Variants in ZMAT4 observed in about 807,000 individuals in gnomAD.
ZMAT4 encodes the protein zinc finger matrin-type protein 4.
In ZMAT4, 17 loss-of-function variants were observed where a neutral mutation model predicts 28.7. The ratio of observed to expected loss-of-function variants is 0.59; its 90% CI spans 0.41 to 0.89. The LOEUF is 0.89. Ranked by LOEUF, ZMAT4 falls within the 40% of genes least tolerant of loss-of-function variation. The pLI is 0.00. For synonymous variants in ZMAT4, 117 were observed against 109.2 expected, an observed-to-expected ratio of 1.07 and a Z score of -0.44; for missense variants, 240 against 283.8, an observed-to-expected ratio of 0.85 and a Z score of 1.11.
At chr8:40,730,741 C>G (rs1279232580) in intron 3 of ZMAT4, among the ~76,000 whole-genome samples, 1 of 152,104 alleles carries the variant, frequency 6.6e-6, no homozygotes, top group African/African-American at 2.4e-5. Flanking sequence ...AGAAAAAGAG[C>G]CCAAGAAAGG....
chr8:40,886,942 C>T lies in ZMAT4; in HGVS notation c.-5+10741G>A, dbSNP rs974089402. 5.3e-5 allele frequency among the ~76,000 whole-genome samples: 8 copies of T among 151,944 alleles called. No individual in the cohort carries two copies. The East Asian group carries it at 9.8e-4, about 19-fold the overall frequency. On this transcript the variant is annotated intron_variant, in intron 1 of 6. Coordinates refer to ENST00000297737, the MANE Select transcript of ZMAT4 (RefSeq NM_024645.3). ...ATCCCAGCACTTTGGGAGGCCAAGG[C>T]GGGCAGAACACGAGGTCAGGAGATC...
At chr8:40,691,401 C>T (rs1809655357) in intron 4 of ZMAT4, among the ~76,000 whole-genome samples, 2 of 96,126 alleles carry the variant, frequency 2.1e-5, no homozygotes, top group East Asian at 9.6e-4. Flanking sequence ...ACTAAATAGA[C>T]TGCAAAAAAA....
chr8:40,614,746 A>G (rs1000634991), intron 5 of ZMAT4, among the ~76,000 whole-genome samples: 2 of 151,870 alleles, frequency 1.3e-5, no homozygotes, highest in Admixed American at 1.3e-4. Flanking sequence ...TAGGATTGCA[A>G]CCCGTGCTGT....
At chr8:40,561,937 T>A (rs1389027286) in intron 6 of ZMAT4, among the ~76,000 whole-genome samples, 1 of 152,116 alleles carries the variant, frequency 6.6e-6, no homozygotes, top group Non-Finnish European at 1.5e-5. Context: ...TGTATGTCTG[T>A]GTGTAAGAGA....
At chr8:40,871,454 C>A (rs1291518623) in intron 1 of ZMAT4, among the ~76,000 whole-genome samples, 1 of 152,186 alleles carries the variant, frequency 6.6e-6, no homozygotes, top group Non-Finnish European at 1.5e-5. Context: ...GAAAAAAAGA[C>A]AGCCATGTTT....
intron 6 of ZMAT4, among the ~76,000 whole-genome samples, chr8:40,575,368 G>T (rs1358607020): frequency 1.3e-5 from 2 of 152,074 alleles, no homozygotes; most frequent in South Asian, 2.1e-4. Context: ...TATGCCTTGG[G>T]CTAGAGAAAC....
chr8:40,715,040 T>G (rs1435574766), intron 3 of ZMAT4, among the ~76,000 whole-genome samples: 3 of 26,842 alleles, frequency 1.1e-4, no homozygotes, highest in African/African-American at 2.9e-4. Context: ...AGAGGGAGAC[T>G]CTGTCTCAAA....
intron 3 of ZMAT4, among the ~76,000 whole-genome samples, chr8:40,708,333 G>A (rs1810452506): frequency 6.6e-6 from 1 of 152,102 alleles, no homozygotes; most frequent in Non-Finnish European, 1.5e-5. Context: ...AGCCTGGAGG[G>A]GCAGACACAG....
intron 5 of ZMAT4, among the ~76,000 whole-genome samples, chr8:40,592,909 T>G (rs977524743): frequency 1.3e-5 from 2 of 152,226 alleles, no homozygotes; most frequent in Non-Finnish European, 2.9e-5. Context: ...ATTAAGCTGT[T>G]TTTTTGTTTT....
rs189553545 is a variant in ZMAT4, at chr8:40,697,297, G to A, written c.297C>T (p.His99=). The change falls in exon 4 of 7, where the codon CAC becomes CAT. Residue 99 remains histidine, a synonymous_variant. Coordinates refer to ENST00000297737, the MANE Select transcript of ZMAT4 (RefSeq NM_024645.3). ...CTAGCAAGAGTTTTAACCTCTTGGC[G>A]TGGATTTTGCCTTGATAATGGGAAT... The part of the protein sequence containing the change: ...VADSHYQGKI[H]AKRLKLLLGE... 67 of 1,613,742 alleles carry A rather than the reference G, an allele frequency of 4.2e-5. No individual in the cohort carries two copies. Among genetic ancestry groups the A allele is most frequent in the Middle Eastern group, 3.3e-4 (2 of 6,054 alleles).
intron 5 of ZMAT4, among the ~76,000 whole-genome samples, chr8:40,607,086 C>A (rs1805617952): frequency 7.2e-6 from 1 of 137,942 alleles, no homozygotes; most frequent in Non-Finnish European, 1.6e-5. Flanking sequence ...CTTTCTATTT[C>A]TCTGAAGATT....
rs71224858 is a variant in ZMAT4, at chr8:40,845,776, TAAA to T, written c.-4-20099_-4-20097del. Among the ~76,000 whole-genome samples, 210 of 129,616 alleles carry T rather than the reference TAAA, an allele frequency of 1.6e-3. 1 individual carries two copies. The highest frequency in any genetic ancestry group is 5.7e-3 in the African/African-American group (182 of 32,064). The allele number at this position is 129,616 out of a possible 152,430, so 85.0% of individuals were successfully genotyped here. A position where few individuals can be genotyped will look rare whatever the true frequency, so the allele number is the denominator to read the frequency against. ...TCACTAGTTCAATACACTTAGTAGT[TAAA>T]AAAAAAAAAAAAAAAAAAGAGAGAG... On this transcript the variant is annotated intron_variant, in intron 1 of 6. Coordinates refer to ENST00000297737, the MANE Select transcript of ZMAT4 (RefSeq NM_024645.3).
intron 2 of ZMAT4, among the ~76,000 whole-genome samples, chr8:40,795,576 G>A (rs906324135): frequency 6.6e-6 from 1 of 152,166 alleles, no homozygotes; most frequent in African/African-American, 2.4e-5. Flanking sequence ...TGTTTTGACT[G>A]GCTGTACTGA....
At chr8:40,838,551 G>A (rs1186478063) in intron 1 of ZMAT4, among the ~76,000 whole-genome samples, 2 of 152,106 alleles carry the variant, frequency 1.3e-5, no homozygotes, top group Admixed American at 6.5e-5. Context: ...ATATTGCCCA[G>A]GCTGGGGGTG....
At chr8:40,566,711 G>A (rs1243572547) in intron 6 of ZMAT4, among the ~76,000 whole-genome samples, 1 of 152,074 alleles carries the variant, frequency 6.6e-6, no homozygotes, top group Non-Finnish European at 1.5e-5. Context: ...CCAAAAGCTA[G>A]ATTTAAAATG....
intron 2 of ZMAT4, among the ~76,000 whole-genome samples, chr8:40,800,270 G>A (rs1236760597): frequency 6.6e-6 from 1 of 152,182 alleles, no homozygotes; most frequent in Non-Finnish European, 1.5e-5. Context: ...ACTTCAAGGA[G>A]AAATAAACGA....
intron 5 of ZMAT4, among the ~76,000 whole-genome samples, chr8:40,582,039 T>C (rs1032285799): frequency 2.0e-5 from 3 of 152,192 alleles, no homozygotes; most frequent in Non-Finnish European, 2.9e-5. Flanking sequence ...AGCTAGTATG[T>C]CCCTTCAGAA....
intron 5 of ZMAT4, among the ~76,000 whole-genome samples, chr8:40,663,381 A>G (rs1303240959): frequency 6.6e-6 from 1 of 152,120 alleles, no homozygotes; most frequent in Admixed American, 6.6e-5. Flanking sequence ...TTCAATAAAG[A>G]TATTATCTTC....
chr8:40,576,346 G>T (rs939223273), intron 6 of ZMAT4, among the ~76,000 whole-genome samples: 1 of 150,030 alleles, frequency 6.7e-6, no homozygotes. Context: ...AACCCAAAAA[G>T]GTCCTCCCTG....
Sources: allele counts gnomAD v4.1 joint callset (sites outside exome capture counted in the v4.1 genomes callset), GRCh38; gene constraint gnomAD v4.1.1; transcripts MANE v1.5; gene names NCBI Gene and HGNC (gene_info 2026-07-23, HGNC 2026-07-21).